The following NALF1 variants were observed in gnomAD, a reference collection of about 807,000 sequenced individuals.
NALF1 encodes the protein NALCN channel auxiliary factor 1.
NALF1 carries 3 observed loss-of-function variants against 48.4 expected under a neutral mutation model. That is an observed-to-expected ratio of 0.06 (90% CI 0.03 to 0.16). The LOEUF is 0.16. Ranked by LOEUF, NALF1 falls within the 10% of genes least tolerant of loss-of-function variation. NALF1 has a pLI of 1.00. For missense variants in NALF1, 526 were observed against 571.5 expected, an observed-to-expected ratio of 0.92 and a Z score of 0.81; for synonymous variants, 262 against 245.7, an observed-to-expected ratio of 1.07 and a Z score of -0.62.
chr13:107,426,452 T>C (rs755353344), intron 1 of NALF1, among the ~76,000 whole-genome samples: 1 of 152,224 alleles, frequency 6.6e-6, no homozygotes, highest in Admixed American at 6.5e-5. Flanking sequence ...TGAACCTTCA[T>C]ATGACTGCTG....
At chr13:107,692,505 T>C (rs1484437338) in intron 1 of NALF1, among the ~76,000 whole-genome samples, 2 of 152,178 alleles carry the variant, frequency 1.3e-5, no homozygotes, top group Admixed American at 1.3e-4. Flanking sequence ...ATTATGCCAA[T>C]CTGGCCCAGC....
intron 1 of NALF1, among the ~76,000 whole-genome samples, chr13:107,524,717 G>A (rs1876371025): frequency 2.6e-5 from 4 of 152,092 alleles, no homozygotes; most frequent in African/African-American, 9.7e-5. Context: ...AAAACTTAGG[G>A]AAAACGAATA....
intron 1 of NALF1, among the ~76,000 whole-genome samples, chr13:107,672,603 A>T (rs1881017455): frequency 6.6e-6 from 1 of 152,218 alleles, no homozygotes; most frequent in African/African-American, 2.4e-5. Flanking sequence ...TTAGCAGAAC[A>T]GGCAATTATT....
intron 1 of NALF1, among the ~76,000 whole-genome samples, chr13:107,231,652 T>A (rs1880227751): frequency 6.6e-6 from 1 of 152,270 alleles, no homozygotes; most frequent in African/African-American, 2.4e-5. Flanking sequence ...ACAAAAAAGC[T>A]ATTTTTGAGC....
intron 1 of NALF1, among the ~76,000 whole-genome samples, chr13:107,845,467 C>T (rs1259228290): frequency 6.6e-6 from 1 of 152,150 alleles, no homozygotes; most frequent in Non-Finnish European, 1.5e-5. Context: ...AATGCCCTAA[C>T]ACGATTCACT....
intron 1 of NALF1, among the ~76,000 whole-genome samples, chr13:107,308,038 T>C (rs1463866325): frequency 6.6e-6 from 1 of 152,110 alleles, no homozygotes; most frequent in Admixed American, 6.6e-5. Context: ...ATTAATATTA[T>C]AAAATATGTC....
intron 1 of NALF1, among the ~76,000 whole-genome samples, chr13:107,443,922 A>G (rs1884606836): frequency 6.6e-6 from 1 of 152,188 alleles, no homozygotes; most frequent in Non-Finnish European, 1.5e-5. Context: ...CGATTTTATT[A>G]GCAACATGAG....
chr13:107,619,934 C>T (rs1416578363), intron 1 of NALF1, among the ~76,000 whole-genome samples: 1 of 152,170 alleles, frequency 6.6e-6, no homozygotes, highest in Non-Finnish European at 1.5e-5. Flanking sequence ...GGCATCCTGT[C>T]ATTCTGTCAA....
intron 1 of NALF1, among the ~76,000 whole-genome samples, chr13:107,278,567 A>C (rs1324208330): frequency 6.6e-6 from 1 of 152,246 alleles, no homozygotes; most frequent in Non-Finnish European, 1.5e-5. Context: ...TTCATAATCT[A>C]GGAGCCTAGA....
At chr13:107,306,770 C>G (rs1330213082) in intron 1 of NALF1, among the ~76,000 whole-genome samples, 1 of 152,088 alleles carries the variant, frequency 6.6e-6, no homozygotes, top group Non-Finnish European at 1.5e-5. Flanking sequence ...TTGAGACCCA[C>G]CTGGGCAACG....
At position 107,165,665 on chromosome 13, in the gene NALF1, T is replaced by G. The variant is rs1206349109; in HGVS notation, c.*4832A>C. 6.6e-6 allele frequency: 1 copy of G among 152,272 alleles called. No individual in the cohort carries two copies. The highest frequency in any genetic ancestry group is 1.9e-4 in the East Asian group (1 of 5,206). 9.4% of individuals were successfully genotyped at this position (152,272 alleles called of 1,614,324 possible). A position where few individuals can be genotyped will look rare whatever the true frequency, so the allele number is the denominator to read the frequency against. ...ATTTGTAGCTGTTTGATAGTTCTTA[T>G]AAATGTCATGAAGACATTGCTTGAA... On this transcript the variant is annotated 3_prime_UTR_variant, in exon 3 of 3. Coordinates refer to ENST00000375915, the MANE Select transcript of NALF1 (RefSeq NM_001080396.3).
chr13:107,700,037 A>G (rs1001779266), intron 1 of NALF1, among the ~76,000 whole-genome samples: 1 of 152,108 alleles, frequency 6.6e-6, no homozygotes, highest in Admixed American at 6.5e-5. Context: ...TCCCATGTTC[A>G]TGGATCAAAA....
At chr13:107,747,360 G>A (rs1239748194) in intron 1 of NALF1, among the ~76,000 whole-genome samples, 4 of 152,176 alleles carry the variant, frequency 2.6e-5, no homozygotes, top group African/African-American at 9.7e-5. Context: ...CTTTTGGGAT[G>A]CTCAAACTTT....
At chr13:107,732,978 G>A (rs994286045) in intron 1 of NALF1, among the ~76,000 whole-genome samples, 4 of 152,076 alleles carry the variant, frequency 2.6e-5, no homozygotes, top group Non-Finnish European at 5.9e-5. Flanking sequence ...TTGGGGTGAC[G>A]GCACCATTGT....
In NALF1 at chr13:107,373,723, TTTTC is replaced by T. The variant is rs367859037; in HGVS notation, c.916-162972_916-162969del. On this transcript the variant is annotated intron_variant, in intron 1 of 2. Coordinates refer to ENST00000375915, the MANE Select transcript of NALF1 (RefSeq NM_001080396.3). ...CAACACTATCATCTCTTTCTTTTTCTTTTCTTTCTTTCCTTTTTGTTTTCGTTTT... is the reference window on the plus strand; with the variant it reads ...CAACACTATCATCTCTTTCTTTTTCTTTTCTTTCCTTTTTGTTTTCGTTTT... 3.2e-4 allele frequency among the ~76,000 whole-genome samples: 49 copies of T among 152,336 alleles called. No individual in the cohort carries two copies. In the South Asian group the frequency reaches 8.7e-3, roughly 27 times the overall value.
At chr13:107,606,140 C>T (rs1173992870) in intron 1 of NALF1, among the ~76,000 whole-genome samples, 1 of 152,014 alleles carries the variant, frequency 6.6e-6, no homozygotes, top group African/African-American at 2.4e-5. Context: ...TTTTACAATC[C>T]TTGTTACAAA....
chr13:107,647,330 C>CT (rs1566428751), intron 1 of NALF1, among the ~76,000 whole-genome samples: 1 of 151,770 alleles, frequency 6.6e-6, no homozygotes, highest in Non-Finnish European at 1.5e-5. Flanking sequence ...AAATTTTGTC[C>CT]TTTTTTACCA....
chr13:107,662,487 A>G (rs1301155618), intron 1 of NALF1, among the ~76,000 whole-genome samples: 1 of 152,204 alleles, frequency 6.6e-6, no homozygotes, highest in Non-Finnish European at 1.5e-5. Context: ...TAACCCTGAT[A>G]ACTAGCAGAT....
At chr13:107,596,715 C>T (rs1314844210) in intron 1 of NALF1, among the ~76,000 whole-genome samples, 2 of 152,034 alleles carry the variant, frequency 1.3e-5, no homozygotes, top group East Asian at 3.9e-4. Context: ...ATGAGAAATA[C>T]CTAATGTAGA....
Sources: gnomAD v4.1 joint callset for allele counts (sites outside exome capture counted in the v4.1 genomes callset) on GRCh38, gnomAD v4.1.1 for gene constraint, MANE v1.5 for transcripts, NCBI Gene and HGNC (gene_info 2026-07-23, HGNC 2026-07-21) for gene names.